The following CSMD1 variants were observed in gnomAD, a reference collection of about 807,000 sequenced individuals.
The protein encoded by CSMD1 is CUB and sushi domain-containing protein 1.
A neutral mutation model predicts 417.5 loss-of-function variants in CSMD1; 213 were observed. The observed-to-expected ratio is 0.51, with a 90% confidence interval of 0.46 to 0.57. The LOEUF is 0.57. CSMD1 is among the 20% of genes least tolerant of loss of function. The probability of loss-of-function intolerance (pLI) is 0.00; values close to 1 mark genes in which losing one functional copy is unlikely to be tolerated. For synonymous variants in CSMD1, 2,862 were observed against 1,736.8 expected (o/e 1.65, Z -16.11); for missense variants, 6,923 against 4,529.7 (o/e 1.53, Z -15.17).
intron 54 of CSMD1, among the ~76,000 whole-genome samples, chr8:2,994,666 T>C (rs113712405): frequency 4.6e-5 from 7 of 152,326 alleles, no homozygotes; most frequent in African/African-American, 9.6e-5. Context: ...TATAGCTACA[T>C]AGAAACACAC....
At chr8:3,464,665 T>A (rs1238846701) in intron 12 of CSMD1, among the ~76,000 whole-genome samples, 2 of 151,092 alleles carry the variant, frequency 1.3e-5, no homozygotes, top group African/African-American at 2.4e-5. Flanking sequence ...TATATATAAA[T>A]TGTATATGTA....
At chr8:4,906,877 G>C (rs1401518592) in intron 1 of CSMD1, among the ~76,000 whole-genome samples, 5 of 152,070 alleles carry the variant, frequency 3.3e-5, no homozygotes, top group Admixed American at 3.3e-4. Context: ...TTTTTTCAAA[G>C]TACCTTTAGT....
At chr8:4,790,443 C>A (rs1427373010) in intron 1 of CSMD1, among the ~76,000 whole-genome samples, 1 of 152,134 alleles carries the variant, frequency 6.6e-6, no homozygotes, top group Non-Finnish European at 1.5e-5. Context: ...TCCTTTCAAA[C>A]TACCAATAAC....
intron 5 of CSMD1, among the ~76,000 whole-genome samples, chr8:3,769,904 A>G (rs368268968): frequency 6.6e-5 from 10 of 152,234 alleles, no homozygotes; most frequent in African/African-American, 2.4e-4. Flanking sequence ...AGGACTTTTG[A>G]GAAATGCCTA....
intron 7 of CSMD1, among the ~76,000 whole-genome samples, chr8:3,675,686 C>T (rs533052840): frequency 1.8e-4 from 27 of 152,300 alleles, no homozygotes; most frequent in African/African-American, 6.0e-4. Context: ...CATCTGCAAA[C>T]CAGGAAACGG....
intron 1 of CSMD1, among the ~76,000 whole-genome samples, chr8:4,964,555 G>C (rs1213778073): frequency 7.2e-6 from 1 of 138,492 alleles, no homozygotes; most frequent in Non-Finnish European, 1.5e-5. Flanking sequence ...AAAAAAGGAT[G>C]ACTAGCAGGA....
intron 1 of CSMD1, among the ~76,000 whole-genome samples, chr8:4,823,651 A>G (rs1481644207): frequency 6.6e-6 from 1 of 152,080 alleles, no homozygotes. Context: ...AAAGAATAGC[A>G]ATAATCACAA....
At chr8:4,069,866 C>G (rs971671115) in intron 3 of CSMD1, among the ~76,000 whole-genome samples, 1 of 151,830 alleles carries the variant, frequency 6.6e-6, no homozygotes, top group African/African-American at 2.4e-5. Context: ...CTATCCGGTA[C>G]TGCAACAGTA....
intron 1 of CSMD1, among the ~76,000 whole-genome samples, chr8:4,666,469 T>C (rs1037492904): frequency 2.0e-5 from 3 of 152,094 alleles, no homozygotes; most frequent in African/African-American, 7.2e-5. Context: ...CTCTAGAAGC[T>C]GTGAGAGGCA....
chr8:3,331,317 T>A (rs1376288930), intron 23 of CSMD1, among the ~76,000 whole-genome samples: 3 of 152,062 alleles, frequency 2.0e-5, no homozygotes, highest in Non-Finnish European at 4.4e-5. Flanking sequence ...TTGATATCTG[T>A]GGTAAAGAAT....
chr8:3,994,080 C>T (rs923395821), intron 5 of CSMD1, among the ~76,000 whole-genome samples: 1 of 152,150 alleles, frequency 6.6e-6, no homozygotes, highest in Non-Finnish European at 1.5e-5. Context: ...ACTGAGGCTT[C>T]CAGGCTCTGT....
intron 1 of CSMD1, among the ~76,000 whole-genome samples, chr8:4,993,858 G>A (rs1811610673): frequency 6.6e-6 from 1 of 152,054 alleles, no homozygotes; most frequent in Non-Finnish European, 1.5e-5. Context: ...TTGCCTATTG[G>A]TACCAAAACC....
chr8:3,390,867 C>T (rs1263081630), intron 17 of CSMD1, among the ~76,000 whole-genome samples: 9 of 151,884 alleles, frequency 5.9e-5, no homozygotes, highest in Non-Finnish European at 1.0e-4. Context: ...TTTCATATGC[C>T]GAGCTTAGAG....
intron 3 of CSMD1, among the ~76,000 whole-genome samples, chr8:4,296,230 G>T (rs74905840): frequency 1.3e-5 from 2 of 152,074 alleles, no homozygotes; most frequent in South Asian, 2.1e-4. Context: ...TTAAAACCTT[G>T]ATCAGTGATT....
chr8:4,003,506 AAG>A (rs1467361193), intron 4 of CSMD1, among the ~76,000 whole-genome samples: 8 of 152,234 alleles, frequency 5.3e-5, no homozygotes, highest in African/African-American at 1.7e-4. Context: ...CAATTTAAAT[AAG>A]AGTGAATTCT....
At chr8:4,616,227 C>A (rs1801467876) in intron 2 of CSMD1, among the ~76,000 whole-genome samples, 1 of 152,046 alleles carries the variant, frequency 6.6e-6, no homozygotes, top group African/African-American at 2.4e-5. Context: ...CTTAGGAGCA[C>A]TTTGAGAATT....
At chr8:3,271,682 G>C (rs1165013112) in intron 26 of CSMD1, among the ~76,000 whole-genome samples, 1 of 152,202 alleles carries the variant, frequency 6.6e-6, no homozygotes, top group Admixed American at 6.5e-5. Context: ...GATAGCCAGT[G>C]ATGATGAGCA....
At chr8:4,346,465 T>C (rs1201184661) in intron 3 of CSMD1, among the ~76,000 whole-genome samples, 1 of 152,132 alleles carries the variant, frequency 6.6e-6, no homozygotes, top group Non-Finnish European at 1.5e-5. Flanking sequence ...TGCCGATCCT[T>C]GATATAATCC....
At chr8:3,449,338 A>G (rs1815537092) in intron 12 of CSMD1, among the ~76,000 whole-genome samples, 1 of 152,120 alleles carries the variant, frequency 6.6e-6, no homozygotes, top group African/African-American at 2.4e-5. Context: ...AACTCAATAT[A>G]ATCTTGTTTT....
Sources: gnomAD v4.1 joint callset for allele counts (sites outside exome capture counted in the v4.1 genomes callset) on GRCh38, gnomAD v4.1.1 for gene constraint, MANE v1.5 for transcripts, NCBI Gene and HGNC (gene_info 2026-07-23, HGNC 2026-07-21) for gene names.